The following PTPRM variants were observed in gnomAD, a reference collection of about 807,000 sequenced individuals.
PTPRM encodes receptor-type tyrosine-protein phosphatase mu.
In PTPRM, 47 loss-of-function variants were observed where a neutral mutation model predicts 186.7. The ratio of observed to expected loss-of-function variants is 0.25; its 90% CI spans 0.20 to 0.32. PTPRM has a LOEUF of 0.32. Ranked by LOEUF, PTPRM falls within the 10% of genes least tolerant of loss-of-function variation. PTPRM has a pLI of 1.00. For missense variants in PTPRM, 1,494 were observed against 1,865.0 expected (o/e 0.80, Z 3.66); for synonymous variants, 668 against 674.9 (o/e 0.99, Z 0.16).
intron 19 of PTPRM, among the ~76,000 whole-genome samples, chr18:8,294,585 G>T (rs1264463748): frequency 6.6e-6 from 1 of 152,152 alleles, no homozygotes; most frequent in Admixed American, 6.5e-5. Flanking sequence ...GATGAGATTT[G>T]GGTGGGGACA....
intron 1 of PTPRM, among the ~76,000 whole-genome samples, chr18:7,653,706 CCTAT>C (rs1315087639): frequency 3.3e-5 from 5 of 152,244 alleles, no homozygotes; most frequent in Middle Eastern, 3.4e-3. Flanking sequence ...TTTTCTTTAT[CCTAT>C]CTGTCATTGA....
intron 9 of PTPRM, among the ~76,000 whole-genome samples, chr18:8,081,601 G>T (rs551846262): frequency 1.3e-5 from 2 of 152,184 alleles, no homozygotes; most frequent in Admixed American, 1.3e-4. Flanking sequence ...ATATTTTGGT[G>T]CCCTTTAGAG....
intron 7 of PTPRM, among the ~76,000 whole-genome samples, chr18:7,983,172 C>T (rs1389883271): frequency 2.6e-5 from 4 of 152,124 alleles, no homozygotes; most frequent in Admixed American, 6.5e-5. Context: ...GAGCCAGAGG[C>T]GGGCGAGCAT....
At chr18:8,048,764 G>A (rs2087252734) in intron 7 of PTPRM, among the ~76,000 whole-genome samples, 1 of 152,048 alleles carries the variant, frequency 6.6e-6, no homozygotes, top group African/African-American at 2.4e-5. Flanking sequence ...GCTCTAAACA[G>A]GTAAAAATAT....
chr18:7,764,981 A>G (rs2041951633), intron 1 of PTPRM, among the ~76,000 whole-genome samples: 1 of 152,218 alleles, frequency 6.6e-6, no homozygotes, highest in Admixed American at 6.5e-5. Context: ...GAATTCATGC[A>G]AGTGGTTTAA....
intron 14 of PTPRM, among the ~76,000 whole-genome samples, chr18:8,176,891 C>T (rs530576642): frequency 7.9e-5 from 12 of 152,288 alleles, no homozygotes; most frequent in Admixed American, 3.9e-4. Flanking sequence ...GCTTGAAAGC[C>T]CTGTTGACAG....
rs142818507 is a variant in PTPRM at position 7,866,089 on chromosome 18, A to G, written c.197-22017A>G. Among the ~76,000 whole-genome samples the G allele has an allele frequency of 5.9e-4, 89 of 151,840 alleles. No individual in the cohort carries two copies. In the East Asian group the frequency reaches 0.017, roughly 29 times the overall value. On this transcript the variant is annotated intron_variant, in intron 2 of 32. Coordinates refer to ENST00000580170, the MANE Select transcript of PTPRM (RefSeq NM_001105244.2). ...TTCTTCTCTCTTTTCTCCTTCATTAATCTGGCTAAGGGTCTATCTGTTTTG... is the reference window on the plus strand; with the variant it reads ...TTCTTCTCTCTTTTCTCCTTCATTAGTCTGGCTAAGGGTCTATCTGTTTTG...
chr18:7,715,740 G>C (rs1248885731), intron 1 of PTPRM, among the ~76,000 whole-genome samples: 1 of 152,118 alleles, frequency 6.6e-6, no homozygotes, highest in Non-Finnish European at 1.5e-5. Context: ...CAAACCATGA[G>C]TGAATTTACA....
chr18:7,749,207 G>A (rs945931335), intron 1 of PTPRM: 3 of 152,168 alleles, frequency 2.0e-5, no homozygotes, highest in Admixed American at 6.5e-5. Flanking sequence ...CTGCTGAAAG[G>A]GAATGGAGGA....
At chr18:8,141,270 G>A (rs144665416) in intron 13 of PTPRM, among the ~76,000 whole-genome samples, 20 of 152,222 alleles carry the variant, frequency 1.3e-4, no homozygotes, top group African/African-American at 4.6e-4. Context: ...CGACTCAACC[G>A]GATGGCCACT....
intron 1 of PTPRM, among the ~76,000 whole-genome samples, chr18:7,758,449 A>C (rs1293158269): frequency 6.6e-6 from 1 of 152,220 alleles, no homozygotes; most frequent in Non-Finnish European, 1.5e-5. Context: ...GTGAAGGCTT[A>C]CCACCCAATT....
At chr18:7,980,282 A>G (rs906964446) in intron 7 of PTPRM, among the ~76,000 whole-genome samples, 8 of 152,018 alleles carry the variant, frequency 5.3e-5, no homozygotes, top group African/African-American at 1.7e-4. Flanking sequence ...TTTCTCTGCA[A>G]TGCTGCTTGC....
chr18:8,012,106 C>T lies in PTPRM; in HGVS notation c.1132+56692C>T, dbSNP rs573840665. Among the ~76,000 whole-genome samples the T allele has an allele frequency of 7.2e-5, 11 of 152,286 alleles. No individual in the cohort carries two copies. The South Asian group carries it at 8.3e-4, about 11-fold the overall frequency. ...GTCACGGTTCTGCAAGTTGGAGAGA[C>T]GCCACTGGGGGGCATTGACCTGTGC... is the stretch of plus-strand genomic sequence containing the variant. On this transcript the variant is annotated intron_variant, in intron 7 of 32. Transcript: ENST00000580170.
chr18:8,355,986 C>G (rs916830819), intron 23 of PTPRM, among the ~76,000 whole-genome samples: 8 of 152,188 alleles, frequency 5.3e-5, no homozygotes, highest in Admixed American at 3.3e-4. Flanking sequence ...TTCATGTGCT[C>G]ATCCCTCGCT....
intron 23 of PTPRM, among the ~76,000 whole-genome samples, chr18:8,367,528 C>T (rs1298035732): frequency 1.3e-5 from 2 of 152,260 alleles, no homozygotes; most frequent in Non-Finnish European, 2.9e-5. Flanking sequence ...CGCGGAAGCG[C>T]GGCCAAAGTT....
At chr18:7,627,313 G>A (rs1215064192) in intron 1 of PTPRM, among the ~76,000 whole-genome samples, 2 of 152,162 alleles carry the variant, frequency 1.3e-5, no homozygotes, top group Admixed American at 6.5e-5. Flanking sequence ...GGTTATAGCT[G>A]TCTCCCTCAA....
At chr18:7,921,237 A>G (rs1184070196) in intron 4 of PTPRM, among the ~76,000 whole-genome samples, 1 of 151,664 alleles carries the variant, frequency 6.6e-6, no homozygotes, top group Non-Finnish European at 1.5e-5. Context: ...ATTTTGAGGT[A>G]TTTTTCAGTA....
At chr18:8,153,568 T>C (rs1436337055) in intron 14 of PTPRM, among the ~76,000 whole-genome samples, 1 of 152,208 alleles carries the variant, frequency 6.6e-6, no homozygotes, top group Non-Finnish European at 1.5e-5. Flanking sequence ...GTCAGATGAA[T>C]TAGCCAGTAT....
chr18:7,935,781 A>T (rs1384651026), intron 5 of PTPRM, among the ~76,000 whole-genome samples: 1 of 152,154 alleles, frequency 6.6e-6, no homozygotes, highest in Non-Finnish European at 1.5e-5. Context: ...TGGCGAACAT[A>T]ATACCTGTTA....
Sources: allele counts gnomAD v4.1 joint callset (sites outside exome capture counted in the v4.1 genomes callset), GRCh38; gene constraint gnomAD v4.1.1; transcripts MANE v1.5; gene names NCBI Gene and HGNC (gene_info 2026-07-23, HGNC 2026-07-21).